Variants in APBA1 observed in about 807,000 individuals in gnomAD.
APBA1 encodes the protein amyloid beta precursor protein binding family A member 1.
A neutral mutation model predicts 86.6 loss-of-function variants in APBA1; 55 were observed. The observed-to-expected ratio is 0.64, with a 90% CI of 0.51 to 0.80. APBA1 has a LOEUF of 0.80. Among genes scored for constraint, APBA1 ranks in the 30% least tolerant of loss-of-function variants. The probability of loss-of-function intolerance (pLI) is 0.00; values close to 1 mark genes in which losing one functional copy is unlikely to be tolerated. For missense variants in APBA1, 1,090 were observed against 1,183.0 expected, an observed-to-expected ratio of 0.92 and a Z score of 1.15; for synonymous variants, 511 against 493.9, an observed-to-expected ratio of 1.03 and a Z score of -0.46.
rs532192715 is a variant in APBA1, at chr9:69,452,356, C to A, written c.1789-55G>T. On this transcript the variant is annotated intron_variant, in intron 8 of 12. Coordinates refer to ENST00000265381, the MANE Select transcript of APBA1 (RefSeq NM_001163.4). ...TCAGCAGGGCAGTGCACCTGGTGAG[C>A]GGCCTGGCGCACTTCCCACCTGAAC... The A allele has an allele frequency of 4.5e-6, 7 of 1,552,502 alleles. No individual in the cohort carries two copies. In the African/African-American group the frequency reaches 8.1e-5, roughly 18 times the overall value.
intron 2 of APBA1, among the ~76,000 whole-genome samples, chr9:69,509,870 AC>A (rs1836000635): frequency 9.6e-6 from 1 of 104,622 alleles, no homozygotes; most frequent in Non-Finnish European, 1.8e-5. Flanking sequence ...AAATTCAACA[AC>A]CCTTCATGCT....
chr9:69,632,812 G>A (rs368201876), intron 1 of APBA1, among the ~76,000 whole-genome samples: 9 of 152,090 alleles, frequency 5.9e-5, no homozygotes, highest in East Asian at 3.9e-4. Context: ...TGCCTCTCTG[G>A]ATCTACTGCC....
chr9:69,563,956 G>A (rs1836986836), intron 1 of APBA1, among the ~76,000 whole-genome samples: 1 of 152,114 alleles, frequency 6.6e-6, no homozygotes, highest in Non-Finnish European at 1.5e-5. Flanking sequence ...TGTGCTTGGT[G>A]GCCTTCATTT....
rs1279410417 is a variant in APBA1, at chr9:69,516,778, C to T, written c.433G>A (p.Ala145Thr). ...AEHAEATHRR[A>T]LPNHLHFHSL... ...TGGAAGTGCAGGTGGTTGGGCAGCGCGCGGCGGTGCGTGGCCTCGGCGTGC... is the reference window on the plus strand; with the variant it reads ...TGGAAGTGCAGGTGGTTGGGCAGCGTGCGGCGGTGCGTGGCCTCGGCGTGC... Residue 145 changes from alanine (A) to threonine (T), a missense_variant, in exon 2 of 13, where the codon GCG (alanine) becomes ACG (threonine). Ala to Thr is a moderately conservative substitution (Grantham distance 58). Transcript: ENST00000265381. The surrounding 1 kb of genome is among the most constrained non-coding windows in gnomAD (Gnocchi z 7.3). 1 of 1,611,058 alleles carries T rather than the reference C, an allele frequency of 6.2e-7. No homozygotes were observed. Among genetic ancestry groups the T allele is most frequent in the East Asian group, 2.2e-5 (1 of 44,818 alleles).
At chr9:69,481,414 G>T (rs1835505899) in intron 2 of APBA1, among the ~76,000 whole-genome samples, 1 of 151,958 alleles carries the variant, frequency 6.6e-6, no homozygotes, top group South Asian at 2.1e-4. Flanking sequence ...AACTTACAAG[G>T]GATATGAAGG....
intron 11 of APBA1, among the ~76,000 whole-genome samples, chr9:69,435,886 T>C (rs1329923275): frequency 6.6e-6 from 1 of 152,214 alleles, no homozygotes; most frequent in African/African-American, 2.4e-5. Flanking sequence ...TCCTGAATGG[T>C]ATTGCCTAGG....
chr9:69,628,627 G>A (rs1403367832), intron 1 of APBA1, among the ~76,000 whole-genome samples: 1 of 152,128 alleles, frequency 6.6e-6, no homozygotes, highest in Non-Finnish European at 1.5e-5. Flanking sequence ...GAGGATCTAG[G>A]TTCTGCGATG....
At chr9:69,568,980 C>A (rs1387956077) in intron 1 of APBA1, among the ~76,000 whole-genome samples, 1 of 152,182 alleles carries the variant, frequency 6.6e-6, no homozygotes, top group Admixed American at 6.5e-5. Flanking sequence ...TCTTTGCAAG[C>A]TGCTAGGTCC....
At chr9:69,612,698 T>C (rs2133983250) in intron 1 of APBA1, among the ~76,000 whole-genome samples, 1 of 151,958 alleles carries the variant, frequency 6.6e-6, no homozygotes, top group East Asian at 1.9e-4. Flanking sequence ...GTATACAAAA[T>C]GTACCAAAAA....
Position 69,428,298 on chromosome 9 carries a change from C to T in APBA1, c.*3029G>A, listed in dbSNP as rs1279594996. On this transcript the variant is annotated 3_prime_UTR_variant, in exon 13 of 13. Transcript: ENST00000265381. ...GATGGGCAATGTTCAGAAAGCAAAC[C>T]CGTGCACAGGGACCCGGCACCCCTG... 1 of 152,288 alleles carries T rather than the reference C, an allele frequency of 6.6e-6. No individual in the cohort carries two copies. Among genetic ancestry groups the T allele is most frequent in the Non-Finnish European group, 1.5e-5 (1 of 68,108 alleles). The allele number at this position is 152,288 out of a possible 1,614,324, so 9.4% of individuals were successfully genotyped here.
In APBA1 at chr9:69,467,889, G is replaced by A. The variant is rs751027250; in HGVS notation, c.1416C>T (p.Leu472=). Residue 472 remains leucine, a synonymous_variant, in exon 5 of 13, where the codon CTC becomes CTT. Coordinates refer to ENST00000265381, the MANE Select transcript of APBA1 (RefSeq NM_001163.4). The part of the protein sequence containing the change: ...AANYLGSTQL[L]SDKTPSKNVR... Reference sequence around the variant, plus strand: ...CGTTTTTGGAAGGAGTTTTGTCTGAGAGCAGCTGAGTGGAGCCAAGGTAAT... The same window carrying A: ...CGTTTTTGGAAGGAGTTTTGTCTGAAAGCAGCTGAGTGGAGCCAAGGTAAT... The A allele has an allele frequency of 5.8e-5, 93 of 1,614,076 alleles. No individual in the cohort carries two copies. Among genetic ancestry groups the A allele is most frequent in the Non-Finnish European group, 7.1e-5 (84 of 1,180,050 alleles).
intron 1 of APBA1, among the ~76,000 whole-genome samples, chr9:69,534,631 A>G (rs1267200015): frequency 6.6e-6 from 1 of 152,232 alleles, no homozygotes; most frequent in Non-Finnish European, 1.5e-5. Flanking sequence ...ATGTTATTCT[A>G]AATCAATGCA....
intron 1 of APBA1, among the ~76,000 whole-genome samples, chr9:69,669,753 G>A (rs1823911689): frequency 6.6e-6 from 1 of 152,232 alleles, no homozygotes; most frequent in South Asian, 2.1e-4. Flanking sequence ...CAGCCTGGGC[G>A]ACAGAGGAAG....
intron 1 of APBA1, among the ~76,000 whole-genome samples, chr9:69,588,247 A>G (rs1425814116): frequency 6.6e-6 from 1 of 152,140 alleles, no homozygotes; most frequent in Admixed American, 6.6e-5. Flanking sequence ...AGGGGTTGGC[A>G]TATTGGAGAA....
At chr9:69,592,818 CA>C (rs1305114907) in intron 1 of APBA1, among the ~76,000 whole-genome samples, 1 of 151,864 alleles carries the variant, frequency 6.6e-6, no homozygotes, top group East Asian at 1.9e-4. Flanking sequence ...AACAAACAAA[CA>C]AAAAAAGAAG....
intron 1 of APBA1, among the ~76,000 whole-genome samples, chr9:69,636,938 A>AGAAAGAAG (rs1823186871): frequency 3.0e-5 from 3 of 98,864 alleles, no homozygotes; most frequent in Non-Finnish European, 6.8e-5. Flanking sequence ...AAAGAAAGAA[A>AGAAAGAAG]GAAAGAAAGA....
At position 69,427,958 on chromosome 9, in the gene APBA1, C is replaced by T. The variant is rs2133771118; in HGVS notation, c.*3369G>A. 6.6e-6 allele frequency: 1 copy of T among 152,356 alleles called. No homozygotes were observed. Among genetic ancestry groups the T allele is most frequent in the East Asian group, 1.9e-4 (1 of 5,182 alleles). The allele number at this position is 152,356 out of a possible 1,614,324, so 9.4% of individuals were successfully genotyped here. On this transcript the variant is annotated 3_prime_UTR_variant, in exon 13 of 13. Transcript: ENST00000265381. ...ATGTACAAGAAATGTCATTCCCACA[C>T]AGTCCTCACACACTGCCTTGATGGA...
rs753778142 is a variant in APBA1, at chr9:69,449,645, A to G, written c.2120T>C (p.Met707Thr). 1.2e-6 allele frequency: 2 copies of G among 1,614,038 alleles called. No individual in the cohort carries two copies. Among genetic ancestry groups the G allele is most frequent in the Non-Finnish European group, 1.7e-6 (2 of 1,180,022 alleles). The change falls in exon 10 of 13, where the codon ATG (methionine) becomes ACG (threonine). Residue 707 changes from methionine (M) to threonine (T), a missense_variant. Met to Thr is a moderately conservative substitution (Grantham distance 81). Coordinates refer to ENST00000265381, the MANE Select transcript of APBA1 (RefSeq NM_001163.4). ...CACCAGGCTGGTGCCATTAATGGAC[A>G]TGATCTGGTCACCGATATTCAGCTT... is the stretch of plus-strand genomic sequence containing the variant. ...SGKLNIGDQI[M>T]SINGTSLVGL...
intron 1 of APBA1, among the ~76,000 whole-genome samples, chr9:69,651,595 C>T (rs974899792): frequency 2.0e-5 from 3 of 152,102 alleles, no homozygotes; most frequent in African/African-American, 4.8e-5. Context: ...CCTGCCTTAG[C>T]CTCCCAAGTA....
Sources: gnomAD v4.1 joint callset for allele counts (sites outside exome capture counted in the v4.1 genomes callset) on GRCh38, gnomAD v4.1.1 for gene constraint, Gnocchi (gnomAD v3.1) non-coding constraint, MANE v1.5 for transcripts, NCBI Gene and HGNC (gene_info 2026-07-23, HGNC 2026-07-21) for gene names.